The following CYP3A43 variants were observed in gnomAD, a reference collection of about 807,000 sequenced individuals.
CYP3A43 encodes the protein cytochrome P450 family 3 subfamily A member 43, also known as cytochrome P450 3A43.
A neutral mutation model predicts 58.0 loss-of-function variants in CYP3A43; 45 were observed. The observed-to-expected ratio is 0.78, with a 90% CI of 0.61 to 0.99. CYP3A43 has a LOEUF of 0.99. Among genes scored for constraint, CYP3A43 ranks in the 50% least tolerant of loss-of-function variants. CYP3A43 has a pLI of 0.00. For missense variants in CYP3A43, 593 were observed against 591.9 expected (o/e 1.00, Z -0.02); for synonymous variants, 191 against 201.4 (o/e 0.95, Z 0.44).
chr7:99,839,524 T>C (rs751917039), intron 3 of CYP3A43: 5 of 471,848 alleles, frequency 1.1e-5, no homozygotes, highest in Non-Finnish European at 2.0e-5. Flanking sequence ...CCCTGGGTAA[T>C]AGCTTCATAC....
At chr7:99,865,596 A>AT in intron 12 of CYP3A43, among the ~76,000 whole-genome samples, 1 of 148,870 alleles carries the variant, frequency 6.7e-6, no homozygotes, top group East Asian at 1.9e-4. Flanking sequence ...TCTGGATTTG[A>AT]TTTTTTAAAA....
intron 3 of CYP3A43, among the ~76,000 whole-genome samples, chr7:99,842,602 A>G (rs1584210563): frequency 1.3e-5 from 2 of 152,134 alleles, no homozygotes; most frequent in East Asian, 3.8e-4. Flanking sequence ...GTGGTCCTTT[A>G]TGAAAAAAAA....
At chr7:99,863,438 G>T (rs984281273) in intron 11 of CYP3A43, 99 bp from the exon 12 acceptor site, 2 of 955,444 alleles carry the variant, frequency 2.1e-6, no homozygotes, top group Non-Finnish European at 1.5e-6. Context: ...AGGCCAAGGA[G>T]GTCCTCGCCT....
chr7:99,856,134 T>C (rs1488360270), intron 8 of CYP3A43, among the ~76,000 whole-genome samples: 1 of 152,196 alleles, frequency 6.6e-6, no homozygotes, highest in Non-Finnish European at 1.5e-5. Context: ...TCCAAGCCTG[T>C]TATTTTTACA....
At chr7:99,856,711 C>T in intron 8 of CYP3A43, 122 bp from the exon 9 acceptor site, 1 of 939,298 alleles carries the variant, frequency 1.1e-6, no homozygotes, top group Non-Finnish European at 1.7e-6. Context: ...AGGCAACACC[C>T]ATTACACTTC....
chr7:99,841,589 G>A (rs1017213444), intron 3 of CYP3A43, among the ~76,000 whole-genome samples: 1 of 152,042 alleles, frequency 6.6e-6, no homozygotes, highest in African/African-American at 2.4e-5. Context: ...GTAGAGACAG[G>A]GTTTCCCCAT....
chr7:99,852,190 C>T (rs1220085450), intron 7 of CYP3A43, among the ~76,000 whole-genome samples: 1 of 152,144 alleles, frequency 6.6e-6, no homozygotes, highest in African/African-American at 2.4e-5. Flanking sequence ...ATCACATTGT[C>T]CTGATTATTA....
intron 1 of CYP3A43, among the ~76,000 whole-genome samples, chr7:99,831,877 G>A (rs1039298404): frequency 3.9e-5 from 6 of 152,150 alleles, no homozygotes; most frequent in Non-Finnish European, 8.8e-5. Context: ...TTTAGTCATT[G>A]GTTCCTCTGC....
chr7:99,828,488 C>A (rs550697876), intron 1 of CYP3A43, among the ~76,000 whole-genome samples: 1 of 152,052 alleles, frequency 6.6e-6, no homozygotes, highest in South Asian at 2.1e-4. Flanking sequence ...TGGTGAAACC[C>A]CTTCTCTACT....
At chr7:99,833,603 T>C (rs1031130823) in intron 1 of CYP3A43, among the ~76,000 whole-genome samples, 1 of 152,140 alleles carries the variant, frequency 6.6e-6, no homozygotes, top group African/African-American at 2.4e-5. Context: ...GGAAGTTGGG[T>C]TTTTTTCATA....
At chr7:99,861,891 T>C (rs1200976569) in intron 11 of CYP3A43, 52 bp downstream of exon 11, 4 of 1,500,074 alleles carry the variant, frequency 2.7e-6, no homozygotes, top group Middle Eastern at 1.8e-4. Context: ...GATTCAAGTA[T>C]ATTCTGCCTC....
At chr7:99,854,862 T>C (rs1817909722) in intron 7 of CYP3A43, among the ~76,000 whole-genome samples, 1 of 152,198 alleles carries the variant, frequency 6.6e-6, no homozygotes, top group Admixed American at 6.5e-5. Context: ...TTGTGAGTTT[T>C]CCAATTCTCT....
intron 12 of CYP3A43, among the ~76,000 whole-genome samples, chr7:99,864,140 A>G (rs1818355212): frequency 6.7e-6 from 1 of 148,546 alleles, no homozygotes; most frequent in Non-Finnish European, 1.5e-5. Flanking sequence ...CATTGGAATC[A>G]CTGGGGAGCT....
chr7:99,832,445 C>T (rs1312800682), intron 1 of CYP3A43, among the ~76,000 whole-genome samples: 1 of 148,204 alleles, frequency 6.7e-6, no homozygotes, highest in Non-Finnish European at 1.5e-5. Flanking sequence ...TGTGGCACCT[C>T]GACCAAACAC....
chr7:99,859,166 G>A (rs546656519), intron 9 of CYP3A43, among the ~76,000 whole-genome samples: 26 of 152,180 alleles, frequency 1.7e-4, no homozygotes, highest in African/African-American at 6.3e-4. Flanking sequence ...AGCCATGCTG[G>A]GCTCACAAAT....
At chr7:99,860,777 C>A (rs946679881) in intron 10 of CYP3A43, among the ~76,000 whole-genome samples, 1 of 152,182 alleles carries the variant, frequency 6.6e-6, no homozygotes, top group South Asian at 2.1e-4. Flanking sequence ...AAATTGTGTG[C>A]CCTGTCCAGT....
At chr7:99,860,054 C>A (rs1818168461) in intron 10 of CYP3A43, 64 bp downstream of exon 10, 1 of 1,520,606 alleles carries the variant, frequency 6.6e-7, no homozygotes, top group Non-Finnish European at 8.8e-7. Flanking sequence ...TGCCTCCTCA[C>A]CACTTGCCAG....
intron 10 of CYP3A43, 21 bp from the exon 11 acceptor site, chr7:99,861,592 A>T (rs201634221): frequency 6.2e-7 from 1 of 1,607,122 alleles, no homozygotes; most frequent in Admixed American, 1.7e-5. Context: ...AATTTATCCA[A>T]ATCTGTTTCT....
intron 7 of CYP3A43, among the ~76,000 whole-genome samples, chr7:99,850,953 G>T (rs941224772): frequency 6.6e-6 from 1 of 152,070 alleles, no homozygotes; most frequent in Non-Finnish European, 1.5e-5. Context: ...CAGATCACAA[G>T]GTCAAGAGAT....
Sources: gnomAD v4.1 joint callset for allele counts (sites outside exome capture counted in the v4.1 genomes callset) on GRCh38, gnomAD v4.1.1 for gene constraint, MANE v1.5 for transcripts, NCBI Gene and HGNC (gene_info 2026-07-23, HGNC 2026-07-21) for gene names.